Variants in GBE1 observed in about 807,000 individuals in gnomAD.
The protein encoded by GBE1 is 1,4-alpha-glucan branching enzyme 1.
GBE1 carries 70 observed loss-of-function variants against 88.8 expected under a neutral mutation model. The observed-to-expected ratio is 0.79, with a 90% CI of 0.65 to 0.96. The LOEUF (loss-of-function observed/expected upper bound fraction) is 0.96. Ranked by LOEUF, GBE1 falls within the 40% of genes least tolerant of loss-of-function variation. The probability of loss-of-function intolerance (pLI) is 0.00; values close to 1 mark genes in which losing one functional copy is unlikely to be tolerated. For synonymous variants in GBE1, 284 were observed against 300.1 expected, an observed-to-expected ratio of 0.95 and a Z score of 0.56; for missense variants, 872 against 871.0, an observed-to-expected ratio of 1.00 and a Z score of -0.01.
chr3:81,657,832 T>C (rs1704963898), intron 3 of GBE1, among the ~76,000 whole-genome samples: 1 of 152,138 alleles, frequency 6.6e-6, no homozygotes, highest in Admixed American at 6.5e-5. Context: ...ATATAAGACA[T>C]ATGCATATAA....
At chr3:81,631,910 C>T (rs997165177) in intron 7 of GBE1, among the ~76,000 whole-genome samples, 5 of 152,158 alleles carry the variant, frequency 3.3e-5, no homozygotes, top group Admixed American at 2.6e-4. Flanking sequence ...GGTATTTCTC[C>T]AACCTGTCAT....
intron 14 of GBE1, among the ~76,000 whole-genome samples, chr3:81,519,996 C>G (rs1450382157): frequency 3.3e-5 from 5 of 151,468 alleles, no homozygotes; most frequent in Admixed American, 6.6e-5. Context: ...ACCACATGTA[C>G]ATACTCCAGG....
intron 3 of GBE1, among the ~76,000 whole-genome samples, chr3:81,662,331 C>T (rs1015167751): frequency 5.9e-5 from 9 of 152,198 alleles, no homozygotes; most frequent in African/African-American, 2.2e-4. Flanking sequence ...CGTACCCGGC[C>T]CTTCCTGCTA....
At chr3:81,746,850 G>T (rs1004527883) in intron 1 of GBE1, among the ~76,000 whole-genome samples, 25 of 152,090 alleles carry the variant, frequency 1.6e-4, no homozygotes, top group Non-Finnish European at 1.8e-4. Context: ...CTTAAAATGA[G>T]ATCTCATAAA....
chr3:81,750,568 T>C (rs1219574811), intron 1 of GBE1, among the ~76,000 whole-genome samples: 1 of 66,052 alleles, frequency 1.5e-5, no homozygotes, highest in African/African-American at 8.8e-5. Flanking sequence ...TATATGTATA[T>C]ATATATACGT....
chr3:81,547,455 T>C (rs1277770599), intron 12 of GBE1, among the ~76,000 whole-genome samples: 1 of 151,418 alleles, frequency 6.6e-6, no homozygotes, highest in Non-Finnish European at 1.5e-5. Flanking sequence ...AGCTTTTTCC[T>C]CCCTCAAAGG....
chr3:81,508,244 C>A (rs559877512), intron 14 of GBE1, among the ~76,000 whole-genome samples: 1 of 152,100 alleles, frequency 6.6e-6, no homozygotes, highest in Admixed American at 6.6e-5. Flanking sequence ...TACTTAGAAA[C>A]TTTTCTGTAT....
At chr3:81,632,153 G>A (rs1042170876) in intron 7 of GBE1, among the ~76,000 whole-genome samples, 2 of 152,026 alleles carry the variant, frequency 1.3e-5, no homozygotes, top group African/African-American at 4.8e-5. Context: ...CTTTTTTTAT[G>A]GCTGCATAGT....
chr3:81,548,469 A>G (rs1213931732), intron 12 of GBE1, among the ~76,000 whole-genome samples: 2 of 151,408 alleles, frequency 1.3e-5, no homozygotes, highest in East Asian at 1.9e-4. Context: ...TGTTGTTGGT[A>G]TGTGTTCCAA....
chr3:81,750,527 A>ATATATATATATGTATATATATATATATG lies in GBE1; in HGVS notation c.143+10847_143+10848insCATATATATATATATACATATATATATA, dbSNP rs1706482329. On this transcript the variant is annotated intron_variant, in intron 1 of 15. Transcript: ENST00000429644. ...ACCAATTTCATCTCAAAACATTCAT[A>ATATATATATATGTATATATATATATATG]TATATATATACGTATATATATATGT... 2.5e-5 allele frequency among the ~76,000 whole-genome samples: 2 copies of ATATATATATATGTATATATATATATATG among 80,992 alleles called. 1 individual carries two copies. Among genetic ancestry groups the ATATATATATATGTATATATATATATATG allele is most frequent in the African/African-American group, 1.5e-4 (2 of 12,928 alleles). 53.1% of individuals were successfully genotyped at this position (80,992 alleles called of 152,430 possible).
intron 2 of GBE1, among the ~76,000 whole-genome samples, chr3:81,700,282 G>A (rs867896764): frequency 3.3e-5 from 5 of 152,096 alleles, no homozygotes; most frequent in South Asian, 4.1e-4. Flanking sequence ...ATTATACCCC[G>A]AACCAGAAAC....
intron 8 of GBE1, among the ~76,000 whole-genome samples, chr3:81,592,088 T>C (rs1217518157): frequency 6.6e-6 from 1 of 152,180 alleles, no homozygotes; most frequent in Non-Finnish European, 1.5e-5. Context: ...GTGTACTGAT[T>C]ACTATACTCA....
chr3:81,697,687 G>GT (rs1335792895), intron 2 of GBE1, among the ~76,000 whole-genome samples: 1 of 152,130 alleles, frequency 6.6e-6, no homozygotes, highest in East Asian at 1.9e-4. Flanking sequence ...GTTCTCTTGG[G>GT]TTTTTGTGGA....
intron 2 of GBE1, among the ~76,000 whole-genome samples, chr3:81,682,357 G>C (rs919066204): frequency 1.3e-5 from 2 of 152,110 alleles, no homozygotes; most frequent in Non-Finnish European, 2.9e-5. Context: ...AGCTACTCAG[G>C]AGGCTGTGGC....
intron 1 of GBE1, among the ~76,000 whole-genome samples, chr3:81,755,901 A>C (rs1706595145): frequency 6.6e-6 from 1 of 152,128 alleles, no homozygotes; most frequent in African/African-American, 2.4e-5. Context: ...AAATGGTAAA[A>C]ATGGTGAATT....
intron 7 of GBE1, among the ~76,000 whole-genome samples, chr3:81,606,751 C>G (rs1027061212): frequency 6.6e-6 from 1 of 152,192 alleles, no homozygotes; most frequent in Admixed American, 6.5e-5. Context: ...TCTGGACACC[C>G]AGTTACTCTG....
At chr3:81,499,275 T>C (rs1004144651) in intron 14 of GBE1, 48 bp from the exon 15 acceptor site, 8 of 1,102,600 alleles carry the variant, frequency 7.3e-6, no homozygotes, top group Admixed American at 1.9e-5. Context: ...GAATGAGACA[T>C]TGTAAAATAC....
chr3:81,698,193 A>G (rs1011004566), intron 2 of GBE1, among the ~76,000 whole-genome samples: 2 of 151,860 alleles, frequency 1.3e-5, no homozygotes, highest in East Asian at 1.9e-4. Flanking sequence ...TCCATGATCC[A>G]GCACAATTGG....
intron 12 of GBE1, among the ~76,000 whole-genome samples, chr3:81,541,449 TG>T: frequency 7.0e-6 from 1 of 143,660 alleles, no homozygotes; most frequent in Non-Finnish European, 1.6e-5. Context: ...GGCTGCAAGT[TG>T]CCCCCCCCGC....
Sources: allele counts gnomAD v4.1 joint callset (sites outside exome capture counted in the v4.1 genomes callset), GRCh38; gene constraint gnomAD v4.1.1; transcripts MANE v1.5; gene names NCBI Gene and HGNC (gene_info 2026-07-23, HGNC 2026-07-21).